The following ADSS2 variants were observed in gnomAD, a reference collection of about 807,000 sequenced individuals.
The protein encoded by ADSS2 is adenylosuccinate synthetase isozyme 2.
A neutral mutation model predicts 60.0 loss-of-function variants in ADSS2; 30 were observed. The ratio of observed to expected loss-of-function variants is 0.50; its 90% CI spans 0.37 to 0.68. The LOEUF is 0.68. Among genes scored for constraint, ADSS2 ranks in the 30% least tolerant of loss-of-function variants. The pLI, the probability that ADSS2 is intolerant of heterozygous loss-of-function variation, is 0.00. For missense variants in ADSS2, 373 were observed against 554.8 expected (o/e 0.67, Z 3.29); for synonymous variants, 187 against 193.1 (o/e 0.97, Z 0.26).
At position 244,423,937 on chromosome 1, in the gene ADSS2, AAC is replaced by A. The variant is rs749633068; in HGVS notation, c.581+14_581+15del. 1 of 1,588,922 alleles carries A rather than the reference AAC, an allele frequency of 6.3e-7. No individual in the cohort carries two copies. Among genetic ancestry groups the A allele is most frequent in the South Asian group, 1.1e-5 (1 of 87,176 alleles). On this transcript the variant is annotated intron_variant, in intron 6 of 12. Transcript: ENST00000366535. ...AATGCATTCATTCCTTCCATTTTGA[AAC>A]ACAAGTTAGTTACCTCTCAGAGAAG... is the stretch of plus-strand genomic sequence containing the variant.
rs776863669 is a variant in ADSS2, at chr1:244,411,289, G to C, written c.1316C>G (p.Pro439Arg). The change falls in exon 12 of 13, where the codon CCA (proline) becomes CGA (arginine). Residue 439 changes from proline to arginine, a missense_variant and splice_region_variant. By Grantham distance (103) the Pro-to-Arg change is moderately radical. Coordinates refer to ENST00000366535, the MANE Select transcript of ADSS2 (RefSeq NM_001126.5). ...VRFIEDELQI[P>R]VKWIGVGKSR... ...ATTCACAAAGTGTTTATGTTTACCT[G>C]GAATTTGAAGCTCATCTTCAATAAA... 3 of 1,604,534 alleles carry C rather than the reference G, an allele frequency of 1.9e-6. No homozygotes were observed. In the South Asian group the frequency reaches 3.4e-5, roughly 18 times the overall value.
At chr1:244,424,147 A>G in intron 5 of ADSS2, 87 bp from the exon 6 acceptor site, 2 of 1,238,750 alleles carry the variant, frequency 1.6e-6, no homozygotes, top group Non-Finnish European at 2.3e-6. Context: ...AAAGTTACAT[A>G]TGACTATTTT....
In ADSS2 at chr1:244,420,340, C is replaced by T. The variant is rs377557638; in HGVS notation, c.664-44G>A. Reference sequence around the variant, plus strand: ...ACCAATTTCCATGTATACTAATAAACGTTTAACATAACCAGAACAAGAATA... The same window carrying T: ...ACCAATTTCCATGTATACTAATAAATGTTTAACATAACCAGAACAAGAATA... On this transcript the variant is annotated intron_variant, in intron 7 of 12. Coordinates refer to ENST00000366535, the MANE Select transcript of ADSS2 (RefSeq NM_001126.5). The T allele has an allele frequency of 2.8e-5, 43 of 1,513,574 alleles. No homozygotes were observed. In the African/African-American group the frequency reaches 3.5e-4, roughly 12 times the overall value. The allele number at this position is 1,513,574 out of a possible 1,614,324, so 93.8% of individuals were successfully genotyped here.
intron 9 of ADSS2, among the ~76,000 whole-genome samples, chr1:244,418,070 T>C (rs1664580467): frequency 6.6e-6 from 1 of 152,246 alleles, no homozygotes; most frequent in Non-Finnish European, 1.5e-5. Context: ...TTCCAAGAGC[T>C]GTAGTTTGAT....
At chr1:244,413,481 A>G (rs1260858381) in intron 11 of ADSS2, among the ~76,000 whole-genome samples, 4 of 152,206 alleles carry the variant, frequency 2.6e-5, no homozygotes, top group Non-Finnish European at 5.9e-5. Context: ...GAAGCCACCC[A>G]ACTTTCTGCC....
chr1:244,412,763 G>A (rs761195105), intron 11 of ADSS2, among the ~76,000 whole-genome samples: 15 of 152,186 alleles, frequency 9.9e-5, no homozygotes, highest in Non-Finnish European at 1.8e-4. Flanking sequence ...GGAAAAAGTG[G>A]GGCCCTGAGA....
intron 1 of ADSS2, among the ~76,000 whole-genome samples, chr1:244,440,855 A>G (rs1011282254): frequency 1.3e-5 from 2 of 152,200 alleles, no homozygotes; most frequent in African/African-American, 4.8e-5. Context: ...CCTTTTGTAA[A>G]TGTATATATA....
At chr1:244,427,680 T>C (rs573990705) in intron 4 of ADSS2, among the ~76,000 whole-genome samples, 6 of 152,172 alleles carry the variant, frequency 3.9e-5, no homozygotes, top group Non-Finnish European at 8.8e-5. Flanking sequence ...GCTATATTAA[T>C]ATCAAAGTAG....
At position 244,451,562 on chromosome 1, in the gene ADSS2, G is replaced by T. The variant is rs531657907; in HGVS notation, c.183+73C>A. 3.0e-5 allele frequency: 44 copies of T among 1,485,866 alleles called. No homozygotes were observed. The Admixed American group carries it at 5.8e-4, about 20-fold the overall frequency. 92.0% of individuals were successfully genotyped at this position (1,485,866 alleles called of 1,614,324 possible). On this transcript the variant is annotated intron_variant, in intron 1 of 12. Coordinates refer to ENST00000366535, the MANE Select transcript of ADSS2 (RefSeq NM_001126.5). This position sits in a 1 kb window ranked among gnomAD's most constrained non-coding sequence, Gnocchi z 6.6. ...CAGTGGATCCGGGTTCTGGGTCCGA[G>T]TTCCCGGGCACCAGGAGCCAGGCAG...
At position 244,417,628 on chromosome 1, in the gene ADSS2, G is replaced by C; in HGVS notation, c.1070C>G (p.Ala357Gly). 1 of 1,610,970 alleles carries C rather than the reference G, an allele frequency of 6.2e-7. No individual in the cohort carries two copies. The highest frequency in any genetic ancestry group is 8.5e-7 in the Non-Finnish European group (1 of 1,179,418). ...ATAAATGTTTCTGAAGAATACTCACGCAGTAAATCCATTGATCATATGAGC... is the reference window on the plus strand; with the variant it reads ...ATAAATGTTTCTGAAGAATACTCACCCAGTAAATCCATTGATCATATGAGC... ...KYAHMINGFT[A>G]LALTKLDILD... Residue 357 changes from alanine to glycine, a missense_variant and splice_region_variant, in exon 10 of 13, where the codon GCG (alanine) becomes GGG (glycine). This residue lies in a region of ADSS2 where 130 missense variants were observed against 169.4 expected (regional missense o/e 0.77). Transcript: ENST00000366535.
intron 4 of ADSS2, among the ~76,000 whole-genome samples, chr1:244,430,371 T>C (rs1664912047): frequency 6.6e-6 from 1 of 152,232 alleles, no homozygotes; most frequent in Non-Finnish European, 1.5e-5. Flanking sequence ...AACAGGGATA[T>C]GTCTCTTAAC....
At chr1:244,423,151 G>T (rs989080372) in intron 6 of ADSS2, among the ~76,000 whole-genome samples, 2 of 152,120 alleles carry the variant, frequency 1.3e-5, no homozygotes, top group African/African-American at 4.8e-5. Flanking sequence ...TATAATTAAG[G>T]TGATATGTGT....
chr1:244,437,011 G>C, intron 2 of ADSS2, 118 bp from the exon 3 acceptor site: 1 of 775,258 alleles, frequency 1.3e-6, no homozygotes, highest in Non-Finnish European at 2.1e-6. Flanking sequence ...TTTTACACAG[G>C]AGTATAATTT....
intron 3 of ADSS2, among the ~76,000 whole-genome samples, chr1:244,435,510 TTCC>T (rs1049956089): frequency 6.6e-5 from 10 of 152,138 alleles, no homozygotes; most frequent in Non-Finnish European, 1.5e-4. Context: ...CGAAGTTTGT[TTCC>T]TCTTCCTCCT....
At chr1:244,443,778 G>A (rs377237696) in intron 1 of ADSS2, among the ~76,000 whole-genome samples, 1 of 152,178 alleles carries the variant, frequency 6.6e-6, no homozygotes, top group African/African-American at 2.4e-5. Flanking sequence ...GGAGGCCTAG[G>A]CACGGAAAGG....
In ADSS2 at chr1:244,451,194, C is replaced by CG. The variant is rs925209228; in HGVS notation, c.183+440dup. On this transcript the variant is annotated intron_variant, in intron 1 of 12. Coordinates refer to ENST00000366535, the MANE Select transcript of ADSS2 (RefSeq NM_001126.5). This position sits in a 1 kb window ranked among gnomAD's most constrained non-coding sequence, Gnocchi z 6.6. ...TCCCACTCCGCCGCCCTGGGCGGGG[C>CG]GGGGGGGCGGTGATGGGGGGTTCTG... Among the ~76,000 whole-genome samples the CG allele has an allele frequency of 9.2e-5, 14 of 152,106 alleles. No homozygotes were observed. The highest frequency in any genetic ancestry group is 6.2e-4 in the South Asian group (3 of 4,812).
chr1:244,416,250 G>A (rs1664529753), intron 10 of ADSS2, among the ~76,000 whole-genome samples, 172 bp from the exon 11 acceptor site: 1 of 152,164 alleles, frequency 6.6e-6, no homozygotes, highest in African/African-American at 2.4e-5. Flanking sequence ...AGACGCTAGA[G>A]GACAATATAC....
Position 244,437,684 on chromosome 1 carries a change from T to C in ADSS2, c.268A>G (p.Asn90Asp). The change falls in exon 2 of 13, where the codon AAT (asparagine) becomes GAT (aspartate). Residue 90 changes from asparagine to aspartate, a missense_variant. Asn to Asp is a conservative substitution (Grantham distance 23). This residue lies in a region of ADSS2 where 139 missense variants were observed against 189.4 expected (regional missense o/e 0.73). Transcript: ENST00000366535. ...HLLPSGIINP[N>D]VTAFIGNGVV... ...TACTTACCAATGAATGCAGTGACAT[T>C]TGGATTAATTATTCCACTGGGTAAG... 1 of 1,591,440 alleles carries C rather than the reference T, an allele frequency of 6.3e-7. No individual in the cohort carries two copies. Among genetic ancestry groups the C allele is most frequent in the Non-Finnish European group, 8.6e-7 (1 of 1,160,130 alleles).
intron 7 of ADSS2, among the ~76,000 whole-genome samples, chr1:244,421,968 T>C (rs1473615839): frequency 6.6e-6 from 1 of 152,192 alleles, no homozygotes. Flanking sequence ...AGCGAGACCC[T>C]GTCTCAAAAA....
Sources: allele counts gnomAD v4.1 joint callset (sites outside exome capture counted in the v4.1 genomes callset), GRCh38; gene constraint gnomAD v4.1.1; regional missense constraint gnomAD v4.1.1; non-coding constraint Gnocchi (gnomAD v3.1); transcripts MANE v1.5; gene names NCBI Gene and HGNC (gene_info 2026-07-23, HGNC 2026-07-21).